Variants in GSK3B observed in about 807,000 individuals in gnomAD.
The protein encoded by GSK3B is glycogen synthase kinase 3 beta.
In GSK3B, 15 loss-of-function variants were observed where a neutral mutation model predicts 56.4. That is an observed-to-expected ratio of 0.27 (90% confidence interval 0.18 to 0.41). GSK3B has a LOEUF of 0.41. Among genes scored for constraint, GSK3B ranks in the 10% least tolerant of loss-of-function variants. GSK3B has a pLI of 1.00. For missense variants in GSK3B, 300 were observed against 513.4 expected, an observed-to-expected ratio of 0.58 and a Z score of 4.02; for synonymous variants, 181 against 188.9, an observed-to-expected ratio of 0.96 and a Z score of 0.34.
intron 1 of GSK3B, among the ~76,000 whole-genome samples, chr3:120,043,732 C>A (rs1253298636): frequency 6.6e-6 from 1 of 152,054 alleles, no homozygotes; most frequent in Non-Finnish European, 1.5e-5. Context: ...GTAACTATTT[C>A]CATTAATACT....
chr3:119,964,643 G>C (rs540518261), intron 2 of GSK3B, among the ~76,000 whole-genome samples: 1 of 152,246 alleles, frequency 6.6e-6, no homozygotes, highest in Admixed American at 6.5e-5. Context: ...TATAAAGTTA[G>C]TTATACAAGA....
At chr3:119,999,311 C>T (rs915025589) in intron 2 of GSK3B, among the ~76,000 whole-genome samples, 16 of 152,096 alleles carry the variant, frequency 1.1e-4, no homozygotes, top group East Asian at 1.9e-4. Flanking sequence ...CTTGATACAG[C>T]GAGGATAAAA....
chr3:120,032,418 T>G (rs2107523127), intron 1 of GSK3B, among the ~76,000 whole-genome samples: 1 of 151,498 alleles, frequency 6.6e-6, no homozygotes, highest in South Asian at 2.1e-4. Context: ...GAGGTTGCAG[T>G]GAGCCGAGAT....
chr3:119,863,507 T>G lies in GSK3B; in HGVS notation c.1008A>C (p.Ala336=). ...TARLTPLEAC[A]HSFFDELRDP... is the part of the protein sequence containing the mutation. ...CCCGTAATTCATCAAAAAATGAATG[T>G]GCACAAGCTTCCAGTGGTGTTAGTC... Residue 336 remains alanine (A), a synonymous_variant, in exon 9 of 11, where the codon GCA becomes GCC. Transcript: ENST00000264235. The G allele has an allele frequency of 6.2e-7, 1 of 1,613,546 alleles. No individual in the cohort carries two copies. Among genetic ancestry groups the G allele is most frequent in the Non-Finnish European group, 8.5e-7 (1 of 1,179,414 alleles).
chr3:119,888,753 A>G (rs1340368088), intron 7 of GSK3B, among the ~76,000 whole-genome samples: 1 of 152,104 alleles, frequency 6.6e-6, no homozygotes, highest in Non-Finnish European at 1.5e-5. Context: ...AATAGGGAAG[A>G]TATCACTAAA....
Position 119,870,789 on chromosome 3 carries a change from T to C in GSK3B, c.909+5624A>G, listed in dbSNP as rs148932075. 3.2e-4 allele frequency among the ~76,000 whole-genome samples: 48 copies of C among 151,912 alleles called. 1 individual carries two copies. The East Asian group carries it at 8.7e-3, about 28-fold the overall frequency. ...GTAGAATGTTCAGGGCAGAGGGGGGTTGAATAATAATATAAAAATTGATTT... is the reference window on the plus strand; with the variant it reads ...GTAGAATGTTCAGGGCAGAGGGGGGCTGAATAATAATATAAAAATTGATTT... On this transcript the variant is annotated intron_variant, in intron 8 of 10. Coordinates refer to ENST00000264235, the MANE Select transcript of GSK3B (RefSeq NM_001146156.2).
At chr3:119,867,476 T>A (rs1274577304) in intron 8 of GSK3B, among the ~76,000 whole-genome samples, 1 of 152,108 alleles carries the variant, frequency 6.6e-6, no homozygotes, top group East Asian at 1.9e-4. Flanking sequence ...AAAAAATAAA[T>A]CCTACATCTT....
intron 2 of GSK3B, among the ~76,000 whole-genome samples, chr3:119,964,567 G>A (rs894097779): frequency 6.6e-6 from 1 of 152,118 alleles, no homozygotes; most frequent in Non-Finnish European, 1.5e-5. Flanking sequence ...ACCTATATAA[G>A]TAGACAATAG....
intron 3 of GSK3B, among the ~76,000 whole-genome samples, chr3:119,928,510 C>T (rs2056909563): frequency 6.8e-6 from 1 of 146,700 alleles, no homozygotes; most frequent in Non-Finnish European, 1.5e-5. Context: ...GAGGCTGAGG[C>T]AGAAGAATCG....
At chr3:119,835,288 A>G (rs1043159552) in intron 10 of GSK3B, among the ~76,000 whole-genome samples, 4 of 152,268 alleles carry the variant, frequency 2.6e-5, no homozygotes, top group African/African-American at 7.2e-5. Flanking sequence ...GCAATTTGAC[A>G]TTAAACTTTA....
intron 1 of GSK3B, among the ~76,000 whole-genome samples, chr3:120,055,101 A>G (rs1238618343): frequency 6.6e-6 from 1 of 152,088 alleles, no homozygotes; most frequent in Non-Finnish European, 1.5e-5. Flanking sequence ...AGGCCCTCCC[A>G]TAATATTCTT....
chr3:120,094,138 C>T lies in GSK3B; in HGVS notation c.-704G>A, dbSNP rs202110584. The T allele has an allele frequency of 4.3e-6, 1 of 231,512 alleles. No homozygotes were observed. Among genetic ancestry groups the T allele is most frequent in the Non-Finnish European group, 8.6e-6 (1 of 116,060 alleles). 14.3% of individuals were successfully genotyped at this position (231,512 alleles called of 1,614,324 possible). A position where few individuals can be genotyped will look rare whatever the true frequency, so the allele number is the denominator to read the frequency against. On this transcript the variant is annotated 5_prime_UTR_variant, in exon 1 of 11. Transcript: ENST00000264235. Reference sequence around the variant, plus strand: ...CCATGGCGGTGGCGGAGGCAGCTCCCTTCAGACCCCAGGCAGCGGCTCCTC... The same window carrying T: ...CCATGGCGGTGGCGGAGGCAGCTCCTTTCAGACCCCAGGCAGCGGCTCCTC...
chr3:119,952,355 G>A (rs1315076290), intron 2 of GSK3B, among the ~76,000 whole-genome samples: 2 of 151,998 alleles, frequency 1.3e-5, no homozygotes, highest in African/African-American at 4.8e-5. Context: ...GGGTGTGGTG[G>A]CACACCCCTG....
At chr3:120,042,417 C>T (rs1440955213) in intron 1 of GSK3B, among the ~76,000 whole-genome samples, 1 of 152,110 alleles carries the variant, frequency 6.6e-6, no homozygotes, top group Non-Finnish European at 1.5e-5. Flanking sequence ...CTAGCCAAAA[C>T]GGGTTATAGA....
intron 2 of GSK3B, among the ~76,000 whole-genome samples, chr3:119,996,870 T>C (rs931028315): frequency 1.4e-4 from 21 of 151,366 alleles, no homozygotes; most frequent in African/African-American, 5.1e-4. Flanking sequence ...AAACAAAAAA[T>C]AAAAGAAAGC....
chr3:120,042,812 G>C (rs2058074296), intron 1 of GSK3B, among the ~76,000 whole-genome samples: 1 of 152,148 alleles, frequency 6.6e-6, no homozygotes, highest in Non-Finnish European at 1.5e-5. Context: ...ACAAATCAGA[G>C]CTTAAAGAAC....
chr3:119,966,008 A>C (rs1004876886), intron 2 of GSK3B, among the ~76,000 whole-genome samples: 1 of 152,266 alleles, frequency 6.6e-6, no homozygotes, highest in Non-Finnish European at 1.5e-5. Context: ...ATAGTCTATC[A>C]TATAAATCAT....
intron 9 of GSK3B, among the ~76,000 whole-genome samples, chr3:119,849,801 T>A (rs1227633482): frequency 6.6e-6 from 1 of 152,100 alleles, no homozygotes; most frequent in African/African-American, 2.4e-5. Context: ...GAGCCTCTCA[T>A]ATACTTTATT....
chr3:119,823,941 C>T lies in GSK3B; in HGVS notation c.*2847G>A, dbSNP rs576615064. 98 of 196,066 alleles carry T rather than the reference C, an allele frequency of 5.0e-4. No homozygotes were observed. The highest frequency in any genetic ancestry group is 1.7e-3 in the Middle Eastern group (1 of 578). 12.1% of individuals were successfully genotyped at this position (196,066 alleles called of 1,614,324 possible). A position where few individuals can be genotyped will look rare whatever the true frequency, so the allele number is the denominator to read the frequency against. On this transcript the variant is annotated 3_prime_UTR_variant, in exon 11 of 11. Transcript: ENST00000264235. ...AATTAAAAAAAAAAACACATGGAAG[C>T]GAAGGCACTCCAAACTATATAGATA...
Sources: allele counts gnomAD v4.1 joint callset (sites outside exome capture counted in the v4.1 genomes callset), GRCh38; gene constraint gnomAD v4.1.1; transcripts MANE v1.5; gene names NCBI Gene and HGNC (gene_info 2026-07-23, HGNC 2026-07-21).